Variants in CSNK1G1 observed in about 807,000 individuals in gnomAD.
The protein encoded by CSNK1G1 is casein kinase I isoform gamma-1.
In CSNK1G1, 22 loss-of-function variants were observed where a neutral mutation model predicts 59.6. That is an observed-to-expected ratio of 0.37 (90% CI 0.26 to 0.53). CSNK1G1 has a LOEUF of 0.53. CSNK1G1 is among the 20% of genes least tolerant of loss of function. CSNK1G1 has a pLI of 0.89. For missense variants in CSNK1G1, 384 were observed against 519.5 expected (o/e 0.74, Z 2.54); for synonymous variants, 179 against 177.1 (o/e 1.01, Z -0.08).
chr15:64,222,431 CACCACCA>C (rs1360372148), intron 4 of CSNK1G1, among the ~76,000 whole-genome samples: 4 of 66,720 alleles, frequency 6.0e-5, no homozygotes, highest in African/African-American at 3.1e-4. Flanking sequence ...ACAACAACAA[CACCACCA>C]AAAAAAAAAA....
intron 1 of CSNK1G1, among the ~76,000 whole-genome samples, chr15:64,301,889 A>C (rs933247378): frequency 3.3e-5 from 5 of 152,122 alleles, no homozygotes; most frequent in African/African-American, 1.2e-4. Context: ...TCCGTCTCAA[A>C]AAAAAAAAGA....
At chr15:64,350,907 T>A (rs1898249327) in intron 1 of CSNK1G1, among the ~76,000 whole-genome samples, 1 of 152,114 alleles carries the variant, frequency 6.6e-6, no homozygotes, top group Non-Finnish European at 1.5e-5. Context: ...ATCCATTCTT[T>A]TTCTTTTTTT....
At chr15:64,253,562 T>C (rs1188676833) in intron 3 of CSNK1G1, among the ~76,000 whole-genome samples, 24 of 152,186 alleles carry the variant, frequency 1.6e-4, no homozygotes, top group Non-Finnish European at 4.4e-5. Context: ...CAATTCTATT[T>C]CTGGATAGAT....
At chr15:64,268,226 A>AAACAC (rs373369799) in intron 2 of CSNK1G1, among the ~76,000 whole-genome samples, 2 of 152,204 alleles carry the variant, frequency 1.3e-5, no homozygotes, top group African/African-American at 4.8e-5. Flanking sequence ...CCAGGCACAG[A>AAACAC]AACACAAATC....
intron 4 of CSNK1G1, among the ~76,000 whole-genome samples, chr15:64,232,852 A>C (rs181848769): frequency 1.4e-3 from 213 of 152,288 alleles, no homozygotes; most frequent in African/African-American, 4.8e-3. Flanking sequence ...AGTAAAGACC[A>C]AAAAAAGGTC....
intron 1 of CSNK1G1, among the ~76,000 whole-genome samples, chr15:64,355,443 G>A (rs913904999): frequency 2.0e-5 from 3 of 152,228 alleles, no homozygotes; most frequent in Admixed American, 6.5e-5. Context: ...AGTAAAGGAA[G>A]AAGTGGGGGA....
intron 10 of CSNK1G1, among the ~76,000 whole-genome samples, chr15:64,182,884 A>G (rs1039841908): frequency 6.6e-6 from 1 of 152,228 alleles, no homozygotes; most frequent in African/African-American, 2.4e-5. Flanking sequence ...AAGTTGAGGA[A>G]GGAGGGTATA....
chr15:64,261,857 C>T (rs1379641696), intron 2 of CSNK1G1, among the ~76,000 whole-genome samples: 1 of 148,808 alleles, frequency 6.7e-6, no homozygotes, highest in Non-Finnish European at 1.5e-5. Context: ...GCAGGAGAAT[C>T]GCTTGACCTG....
intron 4 of CSNK1G1, among the ~76,000 whole-genome samples, chr15:64,240,129 G>C (rs2082674862): frequency 6.6e-6 from 1 of 152,224 alleles, no homozygotes; most frequent in Non-Finnish European, 1.5e-5. Context: ...AGCTACGCGG[G>C]AGGCTGAGGC....
intron 2 of CSNK1G1, among the ~76,000 whole-genome samples, chr15:64,265,217 C>A (rs1426468948): frequency 1.3e-5 from 2 of 152,112 alleles, no homozygotes; most frequent in Non-Finnish European, 2.9e-5. Flanking sequence ...ATGCCAAAAA[C>A]AAACCAGTGG....
intron 10 of CSNK1G1, among the ~76,000 whole-genome samples, chr15:64,183,431 C>A (rs2081846927): frequency 6.6e-6 from 1 of 152,162 alleles, no homozygotes; most frequent in Non-Finnish European, 1.5e-5. Context: ...TGGGCCTTCA[C>A]AGCATCCGTT....
At chr15:64,235,319 A>G (rs1439067095) in intron 4 of CSNK1G1, among the ~76,000 whole-genome samples, 1 of 152,170 alleles carries the variant, frequency 6.6e-6, no homozygotes, top group African/African-American at 2.4e-5. Flanking sequence ...TAGCTGCTCT[A>G]CCTCCTCTTA....
intron 1 of CSNK1G1, among the ~76,000 whole-genome samples, chr15:64,309,309 AACACACACACACACACACAC>A (rs66467610): frequency 6.8e-5 from 10 of 146,388 alleles, no homozygotes; most frequent in South Asian, 4.4e-4. Flanking sequence ...TAGTGAATAA[AACACACACACACACACACAC>A]ACACACACAC....
At chr15:64,269,115 A>G (rs777175476) in intron 2 of CSNK1G1, among the ~76,000 whole-genome samples, 15 of 152,174 alleles carry the variant, frequency 9.9e-5, no homozygotes, top group Non-Finnish European at 1.6e-4. Flanking sequence ...TCTTAAATGT[A>G]TGTATAGCCC....
chr15:64,255,040 A>C (rs1005429846), intron 3 of CSNK1G1, among the ~76,000 whole-genome samples: 2 of 152,146 alleles, frequency 1.3e-5, no homozygotes, highest in African/African-American at 4.8e-5. Flanking sequence ...TTTGTTGAAA[A>C]GACTGTCCTT....
intron 10 of CSNK1G1, chr15:64,181,026 A>G: frequency 1.3e-6 from 1 of 790,066 alleles, no homozygotes; most frequent in Non-Finnish European, 1.9e-6. Flanking sequence ...AAGGAAGTCA[A>G]CAGTGGGTAC....
Position 64,166,257 on chromosome 15 carries a change from T to C in CSNK1G1, c.*5674A>G. On this transcript the variant is annotated 3_prime_UTR_variant, in exon 12 of 12. Transcript: ENST00000303052. The surrounding 1 kb of genome is among the most constrained non-coding windows in gnomAD (Gnocchi z 4.5). ...AAGATCAAAGACAGATAAATAATAA[T>C]ATAATAAATTAGAGCATGTAATACA... is the stretch of plus-strand genomic sequence containing the variant. 5.2e-6 allele frequency: 2 copies of C among 387,800 alleles called. No individual in the cohort carries two copies. The highest frequency in any genetic ancestry group is 9.1e-6 in the Non-Finnish European group (2 of 219,670). The allele number at this position is 387,800 out of a possible 1,614,324, so 24.0% of individuals were successfully genotyped here.
At chr15:64,201,574 G>A (rs567057742) in intron 10 of CSNK1G1, among the ~76,000 whole-genome samples, 100 of 152,088 alleles carry the variant, frequency 6.6e-4, no homozygotes, top group Middle Eastern at 6.8e-3. Context: ...CTATTTTCTC[G>A]TTTATATGTA....
At chr15:64,236,142 C>CAAAAAAAAAAAAAAAAA (rs532663571) in intron 4 of CSNK1G1, among the ~76,000 whole-genome samples, 2 of 68,020 alleles carry the variant, frequency 2.9e-5, no homozygotes, top group African/African-American at 4.3e-5. Context: ...GACTCCATCT[C>CAAAAAAAAAAAAAAAAA]AAAAAAAAAA....
Sources: allele counts gnomAD v4.1 joint callset (sites outside exome capture counted in the v4.1 genomes callset), GRCh38; gene constraint gnomAD v4.1.1; non-coding constraint Gnocchi (gnomAD v3.1); transcripts MANE v1.5; gene names NCBI Gene and HGNC (gene_info 2026-07-23, HGNC 2026-07-21).